Variants in AGPAT5 observed in about 807,000 individuals in gnomAD.
AGPAT5 encodes 1-acylglycerol-3-phosphate O-acyltransferase 5.
Under a neutral mutation model 45.6 loss-of-function variants are expected in AGPAT5, and 46 were observed. That is an observed-to-expected ratio of 1.01 (90% CI 0.80 to 1.29). AGPAT5 has a LOEUF of 1.29. Among genes scored for constraint, AGPAT5 ranks in the 50% most tolerant of loss-of-function variants. The pLI is 0.00. For synonymous variants in AGPAT5, 272 were observed against 167.0 expected (o/e 1.63, Z -4.85); for missense variants, 673 against 450.7 (o/e 1.49, Z -4.47).
intron 1 of AGPAT5, 81 bp downstream of exon 1, chr8:6,708,968 C>A (rs1183016388): frequency 3.6e-6 from 5 of 1,389,150 alleles, no homozygotes; most frequent in Admixed American, 2.0e-5. Flanking sequence ...CCACAGCTGG[C>A]GAGGGTCACC....
At chr8:6,751,120 CTACTT>C (rs1451222159) in intron 6 of AGPAT5, among the ~76,000 whole-genome samples, 3 of 152,032 alleles carry the variant, frequency 2.0e-5, no homozygotes, top group Admixed American at 6.6e-5. Context: ...TGGTTATAAT[CTACTT>C]TAGTTTAAGA....
intron 2 of AGPAT5, among the ~76,000 whole-genome samples, chr8:6,729,320 A>C (rs1431150468): frequency 6.7e-6 from 1 of 148,250 alleles, no homozygotes; most frequent in Non-Finnish European, 1.5e-5. Flanking sequence ...ATTCCTCTAA[A>C]TCCTCAGCTT....
At chr8:6,751,995 G>A (rs983237951) in intron 6 of AGPAT5, among the ~76,000 whole-genome samples, 1 of 151,950 alleles carries the variant, frequency 6.6e-6, no homozygotes. Context: ...TGACCAACAC[G>A]GTGAAATCCC....
chr8:6,750,562 C>G (rs1801625364), intron 6 of AGPAT5, among the ~76,000 whole-genome samples: 1 of 152,132 alleles, frequency 6.6e-6, no homozygotes, highest in African/African-American at 2.4e-5. Context: ...CAACCTAGAT[C>G]ATAGAAAAGG....
At chr8:6,741,331 A>T (rs1801238438) in intron 4 of AGPAT5, among the ~76,000 whole-genome samples, 2 of 152,142 alleles carry the variant, frequency 1.3e-5, no homozygotes, top group African/African-American at 2.4e-5. Context: ...AAGGGCAAAA[A>T]CTCATTGAGG....
chr8:6,729,225 A>G (rs770874234), intron 2 of AGPAT5, among the ~76,000 whole-genome samples: 2 of 152,162 alleles, frequency 1.3e-5, no homozygotes, highest in African/African-American at 2.4e-5. Context: ...AGTATGGTGC[A>G]TTGTCTAATA....
intron 5 of AGPAT5, among the ~76,000 whole-genome samples, chr8:6,742,644 A>C (rs183586523): frequency 6.6e-6 from 1 of 152,370 alleles, no homozygotes; most frequent in African/African-American, 2.4e-5. Flanking sequence ...AGCATTCAAC[A>C]TGTGACTAGT....
At chr8:6,735,105 C>T (rs1801003167) in intron 4 of AGPAT5, among the ~76,000 whole-genome samples, 1 of 152,170 alleles carries the variant, frequency 6.6e-6, no homozygotes, top group African/African-American at 2.4e-5. Flanking sequence ...TCCTGCCTTG[C>T]TTCTGGCTGT....
intron 5 of AGPAT5, among the ~76,000 whole-genome samples, chr8:6,743,748 C>G (rs1364817940): frequency 6.7e-6 from 1 of 149,554 alleles, no homozygotes; most frequent in South Asian, 2.1e-4. Context: ...CCACCTGGAC[C>G]CATTAAAGTA....
intron 4 of AGPAT5, among the ~76,000 whole-genome samples, chr8:6,737,213 A>G (rs1801084287): frequency 6.6e-6 from 1 of 152,188 alleles, no homozygotes; most frequent in Admixed American, 6.5e-5. Context: ...TCACTGTCCC[A>G]GGTCGGGTTT....
intron 6 of AGPAT5, among the ~76,000 whole-genome samples, chr8:6,753,053 C>T (rs1453357297): frequency 6.6e-6 from 1 of 152,108 alleles, no homozygotes; most frequent in Non-Finnish European, 1.5e-5. Context: ...CCCCTGCCTG[C>T]GTAGAATTGC....
At chr8:6,742,093 A>G (rs550441395) in intron 5 of AGPAT5, among the ~76,000 whole-genome samples, 13 of 152,308 alleles carry the variant, frequency 8.5e-5, no homozygotes, top group African/African-American at 2.9e-4. Flanking sequence ...GTTTTGTAAG[A>G]TGACAGACCT....
In AGPAT5 at chr8:6,721,741, A is replaced by T. The variant is rs1272923216; in HGVS notation, c.220-3129A>T. On this transcript the variant is annotated intron_variant, in intron 1 of 7. Transcript: ENST00000285518. ...GAGCAGACTGTTCCTTTACCCTTGT[A>T]GGGTAGCTAGGGCTTGTGAATTAAG... Among the ~76,000 whole-genome samples the T allele has an allele frequency of 3.9e-5, 6 of 152,216 alleles. No homozygotes were observed. In the East Asian group the frequency reaches 1.2e-3, roughly 29 times the overall value.
chr8:6,714,774 G>A (rs767981917), intron 1 of AGPAT5, among the ~76,000 whole-genome samples: 2 of 152,108 alleles, frequency 1.3e-5, no homozygotes, highest in Non-Finnish European at 2.9e-5. Flanking sequence ...ACAGTAGCAC[G>A]AAATATACCT....
chr8:6,708,837 G>C lies in AGPAT5; in HGVS notation c.169G>C (p.Val57Leu). 1.2e-6 allele frequency: 2 copies of C among 1,611,558 alleles called. No homozygotes were observed. Among genetic ancestry groups the C allele is most frequent in the Non-Finnish European group, 1.7e-6 (2 of 1,179,618 alleles). Residue 57 changes from valine to leucine, a missense_variant, in exon 1 of 8, where the codon GTC becomes CTC. By Grantham distance (32) the Val-to-Leu change is conservative (BLOSUM62 1). Coordinates refer to ENST00000285518, the MANE Select transcript of AGPAT5 (RefSeq NM_018361.5). ...AGCGCTGGACGACCGGCTCTACTGCGTCTACCAGAGCATGGTGCTCTTCTT... is the reference window on the plus strand; with the variant it reads ...AGCGCTGGACGACCGGCTCTACTGCCTCTACCAGAGCATGGTGCTCTTCTT... ...YQALDDRLYC[V>L]YQSMVLFFFE...
rs767481210 is a variant in AGPAT5, at chr8:6,758,737, C to T, written c.*1349C>T. 4 of 152,612 alleles carry T rather than the reference C, an allele frequency of 2.6e-5. No individual in the cohort carries two copies. The highest frequency in any genetic ancestry group is 4.8e-5 in the African/African-American group (2 of 41,448). 9.5% of individuals were successfully genotyped at this position (152,612 alleles called of 1,614,324 possible). The stretch of plus-strand genomic sequence containing the variant: ...CAGATCACGATTTTTAGCCATGGAA[C>T]AATATATCCCATGGGAGAAGACCTT... On this transcript the variant is annotated 3_prime_UTR_variant, in exon 8 of 8. Transcript: ENST00000285518.
chr8:6,745,009 T>G (rs1801387699), intron 5 of AGPAT5, among the ~76,000 whole-genome samples: 1 of 152,248 alleles, frequency 6.6e-6, no homozygotes, highest in Non-Finnish European at 1.5e-5. Context: ...TTTTCTCCTT[T>G]TGACTACCTC....
At chr8:6,754,959 T>C (rs1360809456) in intron 6 of AGPAT5, 92 bp from the exon 7 acceptor site, 13 of 1,080,176 alleles carry the variant, frequency 1.2e-5, no homozygotes, top group Non-Finnish European at 1.6e-5. Context: ...TTTACAACTT[T>C]TTTTGTCCTG....
intron 4 of AGPAT5, among the ~76,000 whole-genome samples, chr8:6,735,064 G>A (rs371482627): frequency 4.6e-5 from 7 of 152,140 alleles, no homozygotes; most frequent in African/African-American, 1.4e-4. Context: ...TTCATTCTTA[G>A]GGAGAATCTC....
Sources: allele counts gnomAD v4.1 joint callset (sites outside exome capture counted in the v4.1 genomes callset), GRCh38; gene constraint gnomAD v4.1.1; transcripts MANE v1.5; gene names NCBI Gene and HGNC (gene_info 2026-07-23, HGNC 2026-07-21).